Variants in CMTM8 observed in about 807,000 individuals in gnomAD.
The protein encoded by CMTM8 is CKLF like MARVEL transmembrane domain containing 8.
Under a neutral mutation model 18.6 loss-of-function variants are expected in CMTM8, and 12 were observed. That is an observed-to-expected ratio of 0.65 (90% confidence interval 0.41 to 1.05). The LOEUF (loss-of-function observed/expected upper bound fraction) is 1.05. Ranked by LOEUF, CMTM8 falls within the 50% of genes least tolerant of loss-of-function variation. The pLI is 0.00. For missense variants in CMTM8, 217 were observed against 227.2 expected (o/e 0.95, Z 0.29); for synonymous variants, 87 against 90.6 (o/e 0.96, Z 0.23).
intron 1 of CMTM8, among the ~76,000 whole-genome samples, chr3:32,336,049 G>A (rs1696379612): frequency 1.3e-5 from 2 of 152,226 alleles, no homozygotes; most frequent in African/African-American, 4.8e-5. Flanking sequence ...CGCCAGCACT[G>A]GGGCAAATGC....
chr3:32,297,215 G>T (rs925838386), intron 1 of CMTM8, among the ~76,000 whole-genome samples: 1 of 152,094 alleles, frequency 6.6e-6, no homozygotes, highest in Non-Finnish European at 1.5e-5. Context: ...TTTCACTCTT[G>T]TTGCCCAGGC....
intron 1 of CMTM8, among the ~76,000 whole-genome samples, chr3:32,312,058 G>A (rs1472287677): frequency 4.6e-5 from 7 of 152,212 alleles, no homozygotes; most frequent in African/African-American, 1.2e-4. Flanking sequence ...TAACATTGAT[G>A]AGAGATTGGC....
intron 1 of CMTM8, among the ~76,000 whole-genome samples, chr3:32,336,815 C>T (rs2125587113): frequency 7.0e-6 from 1 of 142,492 alleles, no homozygotes; most frequent in African/African-American, 2.5e-5. Flanking sequence ...CTTTTATTCC[C>T]CCATGCTTCA....
chr3:32,288,005 C>G (rs4380451), intron 1 of CMTM8, among the ~76,000 whole-genome samples: 1 of 151,948 alleles, frequency 6.6e-6, no homozygotes, highest in Admixed American at 6.6e-5. Flanking sequence ...TTAATTCACA[C>G]GATACATTAT....
chr3:32,311,377 C>T (rs559164998), intron 1 of CMTM8, among the ~76,000 whole-genome samples: 4 of 152,332 alleles, frequency 2.6e-5, no homozygotes, highest in East Asian at 1.9e-4. Context: ...TGACAGAGAC[C>T]GTATGGCTGC....
rs544186521 is a variant in CMTM8, at chr3:32,320,612, G to A, written c.148-36761G>A. On this transcript the variant is annotated intron_variant, in intron 1 of 3. Transcript: ENST00000307526. ...GTGTACTTTAAGTGGTTGAATTTAT[G>A]GTATATGAATTATCTCTCAATAAAG... is the stretch of plus-strand genomic sequence containing the variant. Among the ~76,000 whole-genome samples the A allele has an allele frequency of 2.6e-5, 4 of 152,240 alleles. No individual in the cohort carries two copies. In the South Asian group the frequency reaches 8.3e-4, roughly 32 times the overall value.
intron 1 of CMTM8, among the ~76,000 whole-genome samples, chr3:32,289,090 G>A (rs897974312): frequency 6.6e-5 from 10 of 152,120 alleles, no homozygotes; most frequent in Admixed American, 4.6e-4. Flanking sequence ...AAGGCAACAG[G>A]GAGCAGTGGG....
At chr3:32,297,086 T>A (rs977027546) in intron 1 of CMTM8, among the ~76,000 whole-genome samples, 4 of 152,208 alleles carry the variant, frequency 2.6e-5, no homozygotes, top group African/African-American at 9.7e-5. Context: ...AAAAAGATGA[T>A]TTTAGAAAAA....
intron 1 of CMTM8, chr3:32,259,332 C>T: frequency 1.4e-6 from 1 of 726,948 alleles, no homozygotes. Flanking sequence ...TACTTCAAGA[C>T]CATCAAAGAC....
At position 32,250,242 on chromosome 3, in the gene CMTM8, T is replaced by G. The variant is rs1702095594; in HGVS notation, c.147+11123T>G. On this transcript the variant is annotated intron_variant, in intron 1 of 3. Transcript: ENST00000307526. ...TTTGATTGATGCACATCTCTACTCT[T>G]ATGCCAGTACCATGCTGTATTGATT... 2.0e-5 allele frequency among the ~76,000 whole-genome samples: 3 copies of G among 152,276 alleles called. No individual in the cohort carries two copies. In the South Asian group the frequency reaches 6.2e-4, roughly 31 times the overall value.
Position 32,311,064 on chromosome 3 carries a change from T to C in CMTM8, c.148-46309T>C, listed in dbSNP as rs553558859. 2.6e-5 allele frequency among the ~76,000 whole-genome samples: 4 copies of C among 152,276 alleles called. No individual in the cohort carries two copies. The South Asian group carries it at 8.3e-4, about 32-fold the overall frequency. On this transcript the variant is annotated intron_variant, in intron 1 of 3. Coordinates refer to ENST00000307526, the MANE Select transcript of CMTM8 (RefSeq NM_178868.5). ...AACGACCTGGATGAATTTTAGACAT[T>C]GTGTTGAATCAGAAGCCAGACACAA...
At chr3:32,248,880 T>A (rs1025795003) in intron 1 of CMTM8, among the ~76,000 whole-genome samples, 1 of 151,902 alleles carries the variant, frequency 6.6e-6, no homozygotes, top group African/African-American at 2.4e-5. Context: ...ATTCCTGGCC[T>A]AAAGTGATCC....
At chr3:32,275,666 T>TGGG (rs1553603184) in intron 1 of CMTM8, among the ~76,000 whole-genome samples, 73 of 93,444 alleles carry the variant, frequency 7.8e-4, no homozygotes, top group African/African-American at 1.4e-3. Context: ...TTTTTTTTTT[T>TGGG]GGGGACAGAG....
chr3:32,279,040 C>T (rs891388570), intron 1 of CMTM8, among the ~76,000 whole-genome samples: 2 of 152,138 alleles, frequency 1.3e-5, no homozygotes, highest in African/African-American at 4.8e-5. Context: ...GATAGCAGGA[C>T]TCAGTCTCTC....
At chr3:32,312,417 G>T (rs1327790145) in intron 1 of CMTM8, among the ~76,000 whole-genome samples, 2 of 152,146 alleles carry the variant, frequency 1.3e-5, no homozygotes, top group African/African-American at 4.8e-5. Flanking sequence ...ACAGCTCACA[G>T]AACTCAGGAA....
intron 1 of CMTM8, among the ~76,000 whole-genome samples, chr3:32,337,367 A>G (rs191605946): frequency 2.0e-5 from 3 of 152,332 alleles, no homozygotes; most frequent in East Asian, 1.9e-4. Flanking sequence ...GCCCTGGAAT[A>G]TCACCAAATC....
intron 1 of CMTM8, among the ~76,000 whole-genome samples, chr3:32,239,903 A>T (rs554542897): frequency 6.6e-6 from 1 of 151,962 alleles, no homozygotes; most frequent in Non-Finnish European, 1.5e-5. Context: ...TAATCCAACG[A>T]CCACCCTCCC....
intron 1 of CMTM8, among the ~76,000 whole-genome samples, chr3:32,282,780 G>A (rs909346537): frequency 3.9e-5 from 6 of 152,204 alleles, no homozygotes; most frequent in Middle Eastern, 3.4e-3. Context: ...TATATCCTGC[G>A]CTCCACTCCT....
intron 1 of CMTM8, among the ~76,000 whole-genome samples, chr3:32,280,953 T>C (rs1294806661): frequency 2.0e-5 from 3 of 148,904 alleles, no homozygotes; most frequent in Non-Finnish European, 4.5e-5. Flanking sequence ...TGACCTAAGG[T>C]CACAACCAGG....
Sources: gnomAD v4.1 joint callset for allele counts (sites outside exome capture counted in the v4.1 genomes callset) on GRCh38, gnomAD v4.1.1 for gene constraint, MANE v1.5 for transcripts, NCBI Gene and HGNC (gene_info 2026-07-23, HGNC 2026-07-21) for gene names.